MSH3: variants seen among roughly 807,000 people sequenced by gnomAD.
MSH3 encodes the protein mutS homolog 3.
MSH3 carries 106 observed loss-of-function variants against 123.3 expected under a neutral mutation model. That is an observed-to-expected ratio of 0.86 (90% CI 0.73 to 1.01). The LOEUF is 1.01. Among genes scored for constraint, MSH3 ranks in the 50% least tolerant of loss-of-function variants. The pLI, the probability that MSH3 is intolerant of heterozygous loss-of-function variation, is 0.00. For synonymous variants in MSH3, 515 were observed against 481.4 expected (o/e 1.07, Z -0.91); for missense variants, 1,459 against 1,347.6 (o/e 1.08, Z -1.29).
At chr5:80,842,082 A>G (rs1389744766) in intron 20 of MSH3, among the ~76,000 whole-genome samples, 1 of 152,190 alleles carries the variant, frequency 6.6e-6, no homozygotes, top group Admixed American at 6.5e-5. Context: ...TAATTTTTGT[A>G]TAAGGTGTAA....
chr5:80,853,908 A>G (rs770358532), intron 20 of MSH3, among the ~76,000 whole-genome samples: 4 of 152,212 alleles, frequency 2.6e-5, no homozygotes, highest in Non-Finnish European at 5.9e-5. Context: ...GTTCTGTGCA[A>G]TACCTCAAAT....
chr5:80,756,174 G>T lies in MSH3; in HGVS notation c.1764-5372G>T, dbSNP rs1743922406. ...ATTCATGTAACCAAAAACCATTTCTGCCACAAAAACTATTGAAATTAAAAA... is the reference window on the plus strand; with the variant it reads ...ATTCATGTAACCAAAAACCATTTCTTCCACAAAAACTATTGAAATTAAAAA... On this transcript the variant is annotated intron_variant, in intron 12 of 23. Coordinates refer to ENST00000265081, the MANE Select transcript of MSH3 (RefSeq NM_002439.5). 3.3e-5 allele frequency among the ~76,000 whole-genome samples: 5 copies of T among 151,940 alleles called. No individual in the cohort carries two copies. The South Asian group carries it at 1.0e-3, about 32-fold the overall frequency.
chr5:80,679,886 T>C (rs1434651389), intron 8 of MSH3, among the ~76,000 whole-genome samples: 2 of 152,100 alleles, frequency 1.3e-5, no homozygotes, highest in East Asian at 1.9e-4. Flanking sequence ...TTCAGCGAAG[T>C]AGACTGTATA....
At chr5:80,802,605 A>T (rs992203178) in intron 19 of MSH3, among the ~76,000 whole-genome samples, 1 of 152,112 alleles carries the variant, frequency 6.6e-6, no homozygotes, top group Non-Finnish European at 1.5e-5. Flanking sequence ...AGTTATTTTT[A>T]AATGTACAAT....
intron 13 of MSH3, among the ~76,000 whole-genome samples, chr5:80,762,724 C>A (rs1744056722): frequency 7.1e-6 from 1 of 141,726 alleles, no homozygotes; most frequent in Non-Finnish European, 1.6e-5. Flanking sequence ...TTTTTATGTG[C>A]CTAAATTTTT....
intron 20 of MSH3, among the ~76,000 whole-genome samples, chr5:80,824,207 G>C (rs879369400): frequency 6.4e-4 from 98 of 152,322 alleles, no homozygotes; most frequent in Non-Finnish European, 1.2e-3. Context: ...ATGAGCTGTT[G>C]GGTACACCTC....
intron 6 of MSH3, among the ~76,000 whole-genome samples, chr5:80,673,362 C>T (rs894718123): frequency 2.0e-5 from 3 of 152,070 alleles, no homozygotes; most frequent in Non-Finnish European, 2.9e-5. Context: ...AACCCCATCT[C>T]CACAAAAATA....
chr5:80,787,870 A>G (rs1744537582), intron 18 of MSH3, among the ~76,000 whole-genome samples, 198 bp downstream of exon 18: 1 of 152,212 alleles, frequency 6.6e-6, no homozygotes, highest in Admixed American at 6.5e-5. Flanking sequence ...AGTACAATGA[A>G]AGCAGATGTT....
chr5:80,690,698 TTAAACA>T (rs1317379385), intron 8 of MSH3, among the ~76,000 whole-genome samples: 1 of 152,206 alleles, frequency 6.6e-6, no homozygotes, highest in African/African-American at 2.4e-5. Context: ...TAATGTGATC[TTAAACA>T]TAAACAGAAA....
At chr5:80,724,690 G>A (rs1433787178) in intron 8 of MSH3, among the ~76,000 whole-genome samples, 3 of 152,214 alleles carry the variant, frequency 2.0e-5, no homozygotes, top group Non-Finnish European at 4.4e-5. Flanking sequence ...TGGAGACTGT[G>A]ATAGAAACAG....
chr5:80,764,905 G>A (rs1412127677), intron 13 of MSH3, among the ~76,000 whole-genome samples: 1 of 152,172 alleles, frequency 6.6e-6, no homozygotes, highest in African/African-American at 2.4e-5. Flanking sequence ...ACAGCTGCAT[G>A]TTCAGTGTGG....
chr5:80,765,576 A>G (rs1388624194), intron 13 of MSH3, among the ~76,000 whole-genome samples: 2 of 152,084 alleles, frequency 1.3e-5, no homozygotes, highest in African/African-American at 4.8e-5. Flanking sequence ...GTGCCTTATT[A>G]CTTTACCCCT....
chr5:80,703,346 A>G (rs370879287), intron 8 of MSH3, among the ~76,000 whole-genome samples: 8 of 152,328 alleles, frequency 5.3e-5, no homozygotes, highest in Middle Eastern at 3.4e-3. Context: ...ACTCCTAACT[A>G]TCAACCTCCA....
intron 15 of MSH3, among the ~76,000 whole-genome samples, chr5:80,769,537 A>T (rs1744181049): frequency 6.6e-6 from 1 of 152,078 alleles, no homozygotes; most frequent in African/African-American, 2.4e-5. Flanking sequence ...TTCTGTTTAA[A>T]GTTTGATAGT....
chr5:80,674,045 A>T (rs1749778944), intron 6 of MSH3, among the ~76,000 whole-genome samples: 1 of 152,236 alleles, frequency 6.6e-6, no homozygotes, highest in South Asian at 2.1e-4. Flanking sequence ...AATAGGGAAC[A>T]GCTATCACTC....
chr5:80,709,280 A>T (rs1262517553), intron 8 of MSH3, among the ~76,000 whole-genome samples: 1 of 150,870 alleles, frequency 6.6e-6, no homozygotes, highest in Admixed American at 6.6e-5. Context: ...ACATTTGGTA[A>T]AGCTCATAAA....
intron 20 of MSH3, among the ~76,000 whole-genome samples, chr5:80,840,233 A>AAT (rs1269702730): frequency 6.6e-6 from 1 of 152,168 alleles, no homozygotes; most frequent in Non-Finnish European, 1.5e-5. Context: ...TTTAGAGCTA[A>AAT]ATATATATGT....
intron 1 of MSH3, chr5:80,655,218 A>G (rs528786532): frequency 2.0e-5 from 7 of 350,464 alleles, no homozygotes; most frequent in Non-Finnish European, 3.1e-5. Context: ...ACAGGAACTC[A>G]GGTCTCCTGA....
intron 8 of MSH3, among the ~76,000 whole-genome samples, chr5:80,702,173 G>A (rs955121997): frequency 4.6e-5 from 7 of 152,004 alleles, no homozygotes; most frequent in African/African-American, 9.7e-5. Context: ...AGAATGCTCC[G>A]TGACCAGGTC....
Sources: allele counts gnomAD v4.1 joint callset (sites outside exome capture counted in the v4.1 genomes callset), GRCh38; gene constraint gnomAD v4.1.1; transcripts MANE v1.5; gene names NCBI Gene and HGNC (gene_info 2026-07-23, HGNC 2026-07-21).